Variants in RAPSN observed in about 807,000 individuals in gnomAD.
The protein encoded by RAPSN is receptor associated protein of the synapse.
RAPSN carries 33 observed loss-of-function variants against 45.7 expected under a neutral mutation model. The ratio of observed to expected loss-of-function variants is 0.72; its 90% CI spans 0.55 to 0.97. The LOEUF (loss-of-function observed/expected upper bound fraction) is 0.97. Among genes scored for constraint, RAPSN ranks in the 50% least tolerant of loss-of-function variants. The pLI is 0.00. For synonymous variants in RAPSN, 244 were observed against 233.6 expected (o/e 1.04, Z -0.40); for missense variants, 519 against 559.4 (o/e 0.93, Z 0.73).
At chr11:47,448,524 C>A (rs1414079790) in intron 1 of RAPSN, among the ~76,000 whole-genome samples, 1 of 152,056 alleles carries the variant, frequency 6.6e-6, no homozygotes, top group Non-Finnish European at 1.5e-5. Flanking sequence ...CACAAACCCT[C>A]GACCCTGAGG....
In RAPSN at chr11:47,441,818, C is replaced by T; in HGVS notation, c.789+5G>A. On this transcript the variant is annotated splice_donor_5th_base_variant and intron_variant, in intron 4 of 7. Coordinates refer to ENST00000298854, the MANE Select transcript of RAPSN (RefSeq NM_005055.5). ...CCCCCAGCCCCTGCATCCCGGTGACCTCACCTCCAGGTCCCCACGGCTCCG... is the reference window on the plus strand; with the variant it reads ...CCCCCAGCCCCTGCATCCCGGTGACTTCACCTCCAGGTCCCCACGGCTCCG... 6.4e-7 allele frequency: 1 copy of T among 1,568,216 alleles called. No homozygotes were observed. Among genetic ancestry groups the T allele is most frequent in the Non-Finnish European group, 8.6e-7 (1 of 1,162,708 alleles).
At chr11:47,442,544 C>T in intron 3 of RAPSN, 112 bp downstream of exon 3, 1 of 1,297,420 alleles carries the variant, frequency 7.7e-7, no homozygotes, top group Non-Finnish European at 1.1e-6. Context: ...AGAGGCAAGC[C>T]CTAGGGGGCT....
At chr11:47,445,593 C>CA (rs61001294) in intron 2 of RAPSN, among the ~76,000 whole-genome samples, 2,576 of 57,368 alleles carry the variant, frequency 0.045, 160 homozygotes, top group South Asian at 0.18. Flanking sequence ...GAGACTGTCT[C>CA]AAAAAAAAAA....
At position 47,437,886 on chromosome 11, in the gene RAPSN, G is replaced by A; in HGVS notation, c.*89C>T. 1 of 1,515,212 alleles carries A rather than the reference G, an allele frequency of 6.6e-7. No homozygotes were observed. Among genetic ancestry groups the A allele is most frequent in the Non-Finnish European group, 9.0e-7 (1 of 1,115,864 alleles). The allele number at this position is 1,515,212 out of a possible 1,614,324, so 93.9% of individuals were successfully genotyped here. On this transcript the variant is annotated 3_prime_UTR_variant, in exon 8 of 8. Coordinates refer to ENST00000298854, the MANE Select transcript of RAPSN (RefSeq NM_005055.5). ...CCTTGGCTATGGTGAGGACGACCTG[G>A]CAGCTGCCCCAGGAGTAAATGGGCC... is the stretch of plus-strand genomic sequence containing the variant.
chr11:47,438,106 C>T (rs759167710), intron 7 of RAPSN, 59 bp from the exon 8 acceptor site: 9 of 1,531,314 alleles, frequency 5.9e-6, no homozygotes, highest in Non-Finnish European at 8.0e-6. Flanking sequence ...TCCGGGCCCT[C>T]TCTTCCTTCC....
intron 2 of RAPSN, among the ~76,000 whole-genome samples, chr11:47,444,547 AC>A (rs1389707129): frequency 6.6e-6 from 1 of 150,956 alleles, no homozygotes; most frequent in Non-Finnish European, 1.5e-5. Context: ...TCAAAAAAAA[AC>A]AAAAACAAAA....
rs1338665465 is a variant in RAPSN at position 47,442,701 on chromosome 11, G to A, written c.645C>T (p.Ala215=). 1.2e-6 allele frequency: 2 copies of A among 1,614,112 alleles called. No individual in the cohort carries two copies. Among genetic ancestry groups the A allele is most frequent in the Admixed American group, 3.3e-5 (2 of 60,008 alleles). ...TGCCCAGGCGGCCCAGCAGGCGATA[G>A]GCCACGGCCATGTGGTACTGGCTCA... is the stretch of plus-strand genomic sequence containing the variant. ...RAMSQYHMAV[A]YRLLGRLGSA... The change falls in exon 3 of 8, where the codon GCC becomes GCT. Residue 215 remains alanine (A), a synonymous_variant. Transcript: ENST00000298854.
intron 2 of RAPSN, among the ~76,000 whole-genome samples, chr11:47,443,419 AG>A (rs769247225): frequency 6.6e-6 from 1 of 152,178 alleles, no homozygotes. Context: ...GAAGAAAATC[AG>A]GGAGAAGCTC....
rs758055323 is a variant in RAPSN at position 47,448,807 on chromosome 11, T to A, written c.158A>T (p.His53Leu). The change falls in exon 1 of 8, where the codon CAC becomes CTC. Residue 53 changes from histidine (H) to leucine (L), a missense_variant. By Grantham distance (99) the His-to-Leu change is moderately conservative. Transcript: ENST00000298854. ...CTCCTTGTAGCGGCCCATCTCCGAGTGGGCTGTGACCAGGCAGCCCAGCAC... is the reference window on the plus strand; with the variant it reads ...CTCCTTGTAGCGGCCCATCTCCGAGAGGGCTGTGACCAGGCAGCCCAGCAC... ...FRVLGCLVTA[H>L]SEMGRYKEML... The A allele has an allele frequency of 6.2e-7, 1 of 1,612,930 alleles. No individual in the cohort carries two copies. The highest frequency in any genetic ancestry group is 1.1e-5 in the South Asian group (1 of 91,080).
intron 2 of RAPSN, among the ~76,000 whole-genome samples, chr11:47,444,934 A>G (rs1216203376): frequency 6.6e-6 from 1 of 150,806 alleles, no homozygotes; most frequent in Non-Finnish European, 1.5e-5. Flanking sequence ...CACACAAATA[A>G]TTATTTTGGC....
At chr11:47,447,621 C>A (rs949586214) in intron 2 of RAPSN, among the ~76,000 whole-genome samples, 191 bp downstream of exon 2, 4 of 152,228 alleles carry the variant, frequency 2.6e-5, no homozygotes, top group African/African-American at 9.6e-5. Context: ...AGGTTTGAAT[C>A]CTGGCTCTGC....
At chr11:47,443,955 A>AAAAAAAAAAG (rs1204196817) in intron 2 of RAPSN, among the ~76,000 whole-genome samples, 3 of 147,878 alleles carry the variant, frequency 2.0e-5, no homozygotes, top group East Asian at 1.9e-4. Flanking sequence ...AAAAAAAAAA[A>AAAAAAAAAAG]AAAAGAAAAG....
intron 2 of RAPSN, among the ~76,000 whole-genome samples, chr11:47,445,406 C>T (rs1441113970): frequency 6.6e-6 from 1 of 151,394 alleles, no homozygotes; most frequent in Admixed American, 6.6e-5. Flanking sequence ...ACCATCCTGG[C>T]CAACATGGTG....
intron 5 of RAPSN, 108 bp from the exon 6 acceptor site, chr11:47,441,320 T>C (rs2076360367): frequency 1.4e-6 from 2 of 1,435,830 alleles, no homozygotes. Context: ...ACATGGCAGC[T>C]GCCTTGTGTG....
At chr11:47,443,808 A>G (rs2076382998) in intron 2 of RAPSN, among the ~76,000 whole-genome samples, 1 of 151,698 alleles carries the variant, frequency 6.6e-6, no homozygotes, top group Non-Finnish European at 1.5e-5. Context: ...GCACGCCTGT[A>G]GTTCCAAGCT....
At chr11:47,446,535 A>G (rs532941115) in intron 2 of RAPSN, among the ~76,000 whole-genome samples, 2 of 152,230 alleles carry the variant, frequency 1.3e-5, no homozygotes, top group Non-Finnish European at 2.9e-5. Flanking sequence ...AGATTTATTA[A>G]GCATCTACTG....
At chr11:47,446,849 G>A (rs575671352) in intron 2 of RAPSN, among the ~76,000 whole-genome samples, 2 of 152,188 alleles carry the variant, frequency 1.3e-5, no homozygotes, top group Non-Finnish European at 2.9e-5. Flanking sequence ...AGGTTGCAGT[G>A]AGCCGAGATG....
intron 3 of RAPSN, among the ~76,000 whole-genome samples, chr11:47,442,454 G>T (rs1314490200): frequency 6.6e-6 from 1 of 152,232 alleles, no homozygotes; most frequent in African/African-American, 2.4e-5. Context: ...CAGCACAGGA[G>T]GGTGGTTTAG....
At position 47,441,752 on chromosome 11, in the gene RAPSN, G is replaced by A; in HGVS notation, c.790-19C>T. On this transcript the variant is annotated intron_variant, in intron 4 of 7. Transcript: ENST00000298854. Reference sequence around the variant, plus strand: ...AGGCTGTCTGCAGAGCCAGGTGGGGGATGGAATCAGGCTGTATCAGGCCTG... The same window carrying A: ...AGGCTGTCTGCAGAGCCAGGTGGGGAATGGAATCAGGCTGTATCAGGCCTG... The A allele has an allele frequency of 1.2e-6, 2 of 1,605,508 alleles. No homozygotes were observed. Among genetic ancestry groups the A allele is most frequent in the Admixed American group, 1.7e-5 (1 of 59,968 alleles).
Sources: allele counts gnomAD v4.1 joint callset (sites outside exome capture counted in the v4.1 genomes callset), GRCh38; gene constraint gnomAD v4.1.1; transcripts MANE v1.5; gene names NCBI Gene and HGNC (gene_info 2026-07-23, HGNC 2026-07-21).